Variants in EXTL3 observed in about 807,000 individuals in gnomAD.
The protein encoded by EXTL3 is exostosin like glycosyltransferase 3, also known as exostosin-like 3.
Under a neutral mutation model 69.3 loss-of-function variants are expected in EXTL3, and 27 were observed. The ratio of observed to expected loss-of-function variants is 0.39; its 90% CI spans 0.29 to 0.54. The LOEUF (loss-of-function observed/expected upper bound fraction) is 0.54, where lower values mean the gene tolerates loss of function less well. Ranked by LOEUF, EXTL3 falls within the 20% of genes least tolerant of loss-of-function variation. The pLI is 0.69. For missense variants in EXTL3, 1,003 were observed against 1,231.8 expected (o/e 0.81, Z 2.78); for synonymous variants, 511 against 499.4 (o/e 1.02, Z -0.31).
intron 6 of EXTL3, among the ~76,000 whole-genome samples, chr8:28,743,514 G>A (rs191937583): frequency 6.6e-6 from 1 of 152,238 alleles, no homozygotes; most frequent in Non-Finnish European, 1.5e-5. Context: ...TTATGAAACA[G>A]GCTATAATTC....
intron 1 of EXTL3, among the ~76,000 whole-genome samples, chr8:28,672,123 A>G (rs1158230447): frequency 2.6e-5 from 4 of 152,082 alleles, no homozygotes; most frequent in African/African-American, 9.7e-5. Flanking sequence ...TCCTTAGAAT[A>G]TGGTTTTCTG....
At chr8:28,632,605 G>A (rs1306463121) in intron 1 of EXTL3, among the ~76,000 whole-genome samples, 2 of 145,748 alleles carry the variant, frequency 1.4e-5, no homozygotes, top group African/African-American at 5.1e-5. Context: ...CCAGGCTAGA[G>A]TAGAGTGGTA....
At chr8:28,709,759 A>G (rs777561202) in intron 1 of EXTL3, among the ~76,000 whole-genome samples, 1 of 152,184 alleles carries the variant, frequency 6.6e-6, no homozygotes, top group Non-Finnish European at 1.5e-5. Flanking sequence ...GCCGTGAGTA[A>G]TGTTCCTGCA....
intron 1 of EXTL3, among the ~76,000 whole-genome samples, chr8:28,624,807 A>T (rs1806467340): frequency 6.6e-6 from 1 of 152,202 alleles, no homozygotes; most frequent in South Asian, 2.1e-4. Context: ...AACTTTGCAC[A>T]GTGGTTTGCA....
At position 28,754,576 on chromosome 8, in the gene EXTL3, G is replaced by C. The variant is rs1458523155; in HGVS notation, c.*3710G>C. ...CATCTCCATGTTACGATTGTCCTGG[G>C]ACCAGAGAGACTTGAGAAGGTGGCA... On this transcript the variant is annotated 3_prime_UTR_variant, in exon 7 of 7. Coordinates refer to ENST00000220562, the MANE Select transcript of EXTL3 (RefSeq NM_001440.4). 6.6e-6 allele frequency: 1 copy of C among 152,268 alleles called. No homozygotes were observed. Among genetic ancestry groups the C allele is most frequent in the African/African-American group, 2.4e-5 (1 of 41,432 alleles). 9.4% of individuals were successfully genotyped at this position (152,268 alleles called of 1,614,324 possible). A position where few individuals can be genotyped will look rare whatever the true frequency, so the allele number is the denominator to read the frequency against.
Position 28,750,459 on chromosome 8 carries a change from C to A in EXTL3, c.2551-198C>A, listed in dbSNP as rs1465493366. 2.0e-5 allele frequency among the ~76,000 whole-genome samples: 3 copies of A among 152,188 alleles called. No homozygotes were observed. Among genetic ancestry groups the A allele is most frequent in the Non-Finnish European group, 1.5e-5 (1 of 68,048 alleles). ...AAGCGTAGGCCATCTCAACAGAATA[C>A]CTGACAATGTTCTGGAGACATCTGG... On this transcript the variant is annotated intron_variant, in intron 6 of 6. Transcript: ENST00000220562. The surrounding 1 kb of genome is among the most constrained non-coding windows in gnomAD (Gnocchi z 5.2).
intron 1 of EXTL3, among the ~76,000 whole-genome samples, chr8:28,673,449 C>G (rs868205829): frequency 6.6e-6 from 1 of 152,104 alleles, no homozygotes; most frequent in African/African-American, 2.4e-5. Flanking sequence ...AGGAGTTTGC[C>G]CTGTTTTGGT....
At chr8:28,707,148 T>C (rs1800941481) in intron 1 of EXTL3, among the ~76,000 whole-genome samples, 1 of 152,250 alleles carries the variant, frequency 6.6e-6, no homozygotes, top group East Asian at 1.9e-4. Flanking sequence ...TGCAACAAGG[T>C]AATATTTTTA....
chr8:28,633,039 G>GA (rs1276921402), intron 1 of EXTL3, among the ~76,000 whole-genome samples: 1 of 152,084 alleles, frequency 6.6e-6, no homozygotes, highest in African/African-American at 2.4e-5. Context: ...AAATGGTTGG[G>GA]AAAAAAATTA....
intron 3 of EXTL3, among the ~76,000 whole-genome samples, chr8:28,719,087 G>T (rs1801234146): frequency 6.6e-6 from 1 of 152,132 alleles, no homozygotes; most frequent in Admixed American, 6.5e-5. Flanking sequence ...CTGGCAGAAG[G>T]TAGCAAAAAG....
intron 1 of EXTL3, among the ~76,000 whole-genome samples, chr8:28,672,262 A>T (rs1288295717): frequency 6.6e-6 from 1 of 151,678 alleles, no homozygotes; most frequent in African/African-American, 2.4e-5. Context: ...CTAAAAATAC[A>T]AAAAAATTAG....
intron 1 of EXTL3, among the ~76,000 whole-genome samples, chr8:28,704,648 G>T (rs918861454): frequency 2.0e-5 from 3 of 151,734 alleles, no homozygotes; most frequent in Non-Finnish European, 2.9e-5. Flanking sequence ...TTCCAGCATG[G>T]CTTCTTTTCT....
At chr8:28,663,305 G>A (rs957747222) in intron 1 of EXTL3, among the ~76,000 whole-genome samples, 1 of 152,178 alleles carries the variant, frequency 6.6e-6, no homozygotes, top group African/African-American at 2.4e-5. Context: ...AGGGCTACTG[G>A]GGAAAGTAAG....
rs10091907 is a variant in EXTL3 at position 28,751,619 on chromosome 8, G to A, written c.*753G>A. 47,370 of 152,104 alleles carry A rather than the reference G, an allele frequency of 0.31. 7,541 individuals carry two copies. The highest frequency in any genetic ancestry group is 0.37 in the Admixed American group (5,649 of 15,278). 9.4% of individuals were successfully genotyped at this position (152,104 alleles called of 1,614,324 possible). On this transcript the variant is annotated 3_prime_UTR_variant, in exon 7 of 7. Coordinates refer to ENST00000220562, the MANE Select transcript of EXTL3 (RefSeq NM_001440.4). The stretch of plus-strand genomic sequence containing the variant: ...TCAGCTTCCTGCTGCTGGGGCCAGC[G>A]ATTTTTGAGGATTTATCTTTAGGCC...
intron 4 of EXTL3, among the ~76,000 whole-genome samples, chr8:28,735,259 G>A (rs543524376): frequency 2.0e-5 from 3 of 152,292 alleles, no homozygotes; most frequent in East Asian, 1.9e-4. Flanking sequence ...AGTTTGGAGC[G>A]TGCCGAAGGA....
chr8:28,682,629 A>C lies in EXTL3; in HGVS notation c.-52-30828A>C, dbSNP rs570117686. ...GGCTAATTTTTTGTATTTCTAGTAG[A>C]GATGAGGTTTCACCATGTTGGCCAG... On this transcript the variant is annotated intron_variant, in intron 1 of 6. Transcript: ENST00000523149. Among the ~76,000 whole-genome samples the C allele has an allele frequency of 2.0e-5, 3 of 152,224 alleles. No homozygotes were observed. The South Asian group carries it at 6.2e-4, about 32-fold the overall frequency.
In EXTL3 at chr8:28,713,456, G is replaced by A; in HGVS notation, c.-569-1G>A. The A allele has an allele frequency of 1.5e-6, 1 of 677,220 alleles. No homozygotes were observed. Among genetic ancestry groups the A allele is most frequent in the Non-Finnish European group, 2.6e-6 (1 of 377,626 alleles). 42.0% of individuals were successfully genotyped at this position (677,220 alleles called of 1,614,324 possible). A position where few individuals can be genotyped will look rare whatever the true frequency, so the allele number is the denominator to read the frequency against. ...GTTTTTTGTTTTTTTTTTTAAATCA[G>A]GAGAGCAAGCCCTGGAGGTTCACTC... is the stretch of plus-strand genomic sequence containing the variant. On this transcript the variant is annotated splice_acceptor_variant, in intron 1 of 6. Transcript: ENST00000220562. LOFTEE classifies it low-confidence loss of function (5UTR_SPLICE).
chr8:28,708,499 A>T (rs1487111217), intron 1 of EXTL3, among the ~76,000 whole-genome samples: 1 of 149,302 alleles, frequency 6.7e-6, no homozygotes. Context: ...AGTGCTTATT[A>T]ACATACTTCC....
upstream of EXTL3, among the ~76,000 whole-genome samples, chr8:28,619,407 G>A (rs537553488): frequency 6.9e-6 from 1 of 144,886 alleles, no homozygotes; most frequent in Admixed American, 7.2e-5. Flanking sequence ...TTTTCCTCCC[G>A]CCTGAAAATT....
Sources: gnomAD v4.1 joint callset for allele counts (sites outside exome capture counted in the v4.1 genomes callset) on GRCh38, gnomAD v4.1.1 for gene constraint, Gnocchi (gnomAD v3.1) non-coding constraint, MANE v1.5 for transcripts, NCBI Gene and HGNC (gene_info 2026-07-23, HGNC 2026-07-21) for gene names.